The following EXOC6B variants were observed in gnomAD, a reference collection of about 807,000 sequenced individuals.
EXOC6B encodes exocyst complex component 6B.
In EXOC6B, 54 loss-of-function variants were observed where a neutral mutation model predicts 113.5. The ratio of observed to expected loss-of-function variants is 0.48; its 90% CI spans 0.38 to 0.60. The LOEUF (loss-of-function observed/expected upper bound fraction) is 0.60, where lower values mean the gene tolerates loss of function less well. Ranked by LOEUF, EXOC6B falls within the 20% of genes least tolerant of loss-of-function variation. EXOC6B has a pLI of 0.00. For synonymous variants in EXOC6B, 357 were observed against 339.0 expected, an observed-to-expected ratio of 1.05 and a Z score of -0.58; for missense variants, 797 against 977.5, an observed-to-expected ratio of 0.82 and a Z score of 2.46.
At chr2:72,783,976 G>A (rs1573791373) in intron 1 of EXOC6B, among the ~76,000 whole-genome samples, 1 of 152,090 alleles carries the variant, frequency 6.6e-6, no homozygotes, top group East Asian at 1.9e-4. Flanking sequence ...TATAGTTTCA[G>A]GTCTTATGTT....
At chr2:72,294,535 CT>C (rs1347515667) in intron 20 of EXOC6B, among the ~76,000 whole-genome samples, 1 of 152,094 alleles carries the variant, frequency 6.6e-6, no homozygotes, top group African/African-American at 2.4e-5. Flanking sequence ...TTCAGAGTCA[CT>C]TTTTGATATT....
intron 20 of EXOC6B, among the ~76,000 whole-genome samples, chr2:72,221,042 C>G (rs992713309): frequency 6.6e-6 from 1 of 152,212 alleles, no homozygotes; most frequent in Non-Finnish European, 1.5e-5. Context: ...ACCATAGTCA[C>G]TCTACTGATC....
chr2:72,417,807 AT>A (rs1189677924), intron 18 of EXOC6B, among the ~76,000 whole-genome samples: 1 of 152,014 alleles, frequency 6.6e-6, no homozygotes, highest in Non-Finnish European at 1.5e-5. Flanking sequence ...ATTTTATGTA[AT>A]GTTTATATCG....
intron 6 of EXOC6B, among the ~76,000 whole-genome samples, chr2:72,676,630 G>A (rs1312814320): frequency 6.6e-6 from 1 of 152,108 alleles, no homozygotes; most frequent in Non-Finnish European, 1.5e-5. Context: ...CACAGAATCA[G>A]AAATTAACAG....
At chr2:72,278,227 G>C (rs1335412770) in intron 20 of EXOC6B, among the ~76,000 whole-genome samples, 1 of 152,136 alleles carries the variant, frequency 6.6e-6, no homozygotes, top group Non-Finnish European at 1.5e-5. Flanking sequence ...AGTCATCACA[G>C]GGATCATATG....
intron 18 of EXOC6B, among the ~76,000 whole-genome samples, chr2:72,383,461 G>T (rs767580523): frequency 3.3e-5 from 5 of 151,454 alleles, no homozygotes; most frequent in African/African-American, 1.2e-4. Context: ...ATCTCAAACC[G>T]GTCAGAATGG....
At chr2:72,380,750 A>G (rs1691631769) in intron 18 of EXOC6B, among the ~76,000 whole-genome samples, 1 of 152,206 alleles carries the variant, frequency 6.6e-6, no homozygotes, top group Non-Finnish European at 1.5e-5. Flanking sequence ...GAGATTTATG[A>G]ATATAAACTC....
chr2:72,725,759 A>T (rs991871362), intron 5 of EXOC6B, among the ~76,000 whole-genome samples: 4 of 152,196 alleles, frequency 2.6e-5, no homozygotes, highest in Non-Finnish European at 2.9e-5. Flanking sequence ...GCTGTTGGGA[A>T]GATAAAAAGG....
At chr2:72,370,915 G>A (rs1690966150) in intron 19 of EXOC6B, among the ~76,000 whole-genome samples, 1 of 151,850 alleles carries the variant, frequency 6.6e-6, no homozygotes, top group Admixed American at 6.6e-5. Flanking sequence ...AAGTTAATGG[G>A]TGCAGCACAC....
intron 12 of EXOC6B, 114 bp from the exon 13 acceptor site, chr2:72,498,665 G>A: frequency 1.7e-6 from 1 of 582,372 alleles, no homozygotes; most frequent in Non-Finnish European, 2.9e-6. Context: ...TACATTCTTT[G>A]AACAGCAAAT....
chr2:72,484,287 G>A (rs534388154), intron 16 of EXOC6B, among the ~76,000 whole-genome samples: 94 of 151,778 alleles, frequency 6.2e-4, no homozygotes, highest in African/African-American at 2.1e-3. Context: ...AGCTGGGCGC[G>A]GTGGCTCACG....
At chr2:72,758,741 C>T (rs2104889017) in intron 1 of EXOC6B, among the ~76,000 whole-genome samples, 1 of 152,348 alleles carries the variant, frequency 6.6e-6, no homozygotes, top group African/African-American at 2.4e-5. Flanking sequence ...GCTGGAACAT[C>T]TCTAGTAAAA....
intron 16 of EXOC6B, among the ~76,000 whole-genome samples, chr2:72,488,528 T>G (rs1699553484): frequency 6.6e-6 from 1 of 152,110 alleles, no homozygotes; most frequent in Non-Finnish European, 1.5e-5. Flanking sequence ...AAAATCAAAT[T>G]CCCAATGTTC....
At chr2:72,775,359 C>G (rs1349819168) in intron 1 of EXOC6B, among the ~76,000 whole-genome samples, 1 of 152,154 alleles carries the variant, frequency 6.6e-6, no homozygotes, top group Non-Finnish European at 1.5e-5. Flanking sequence ...AGCATAAACT[C>G]AGGTATGGTT....
chr2:72,430,373 T>G (rs965902451), intron 18 of EXOC6B, among the ~76,000 whole-genome samples: 1 of 152,232 alleles, frequency 6.6e-6, no homozygotes, highest in Non-Finnish European at 1.5e-5. Context: ...TGGTGGCTCA[T>G]GCCTGTAATC....
At chr2:72,283,962 A>C (rs1299655261) in intron 20 of EXOC6B, among the ~76,000 whole-genome samples, 2 of 152,128 alleles carry the variant, frequency 1.3e-5, no homozygotes, top group African/African-American at 4.8e-5. Flanking sequence ...AAAGCATATA[A>C]ATATTATAGA....
Position 72,515,120 on chromosome 2 carries a change from G to C in EXOC6B, c.922C>G (p.Arg308Gly). The C allele has an allele frequency of 6.3e-7, 1 of 1,599,762 alleles. No homozygotes were observed. The highest frequency in any genetic ancestry group is 1.1e-5 in the South Asian group (1 of 88,126). Reference protein sequence around the residue: ...CLHIYSVLGARETFENYYRKQ... With the variant: ...CLHIYSVLGAGETFENYYRKQ... ...CGGTAGTAATTCTCAAATGTTTCCC[G>C]GGCACCCTGTAAATAAAGAAAAGAA... The change falls in exon 9 of 22, where the codon CGG becomes GGG. Residue 308 changes from arginine (R) to glycine (G), a missense_variant. Coordinates refer to ENST00000272427, the MANE Select transcript of EXOC6B (RefSeq NM_015189.3).
At chr2:72,410,049 C>G (rs1373344447) in intron 18 of EXOC6B, among the ~76,000 whole-genome samples, 1 of 152,138 alleles carries the variant, frequency 6.6e-6, no homozygotes, top group African/African-American at 2.4e-5. Context: ...TTCTAAGTTG[C>G]CTTTATCTTG....
chr2:72,465,948 A>G (rs1698023277), intron 17 of EXOC6B, among the ~76,000 whole-genome samples: 1 of 152,208 alleles, frequency 6.6e-6, no homozygotes, highest in South Asian at 2.1e-4. Context: ...GAAATCCAAT[A>G]GCTTCCAGTA....
Sources: gnomAD v4.1 joint callset for allele counts (sites outside exome capture counted in the v4.1 genomes callset) on GRCh38, gnomAD v4.1.1 for gene constraint, MANE v1.5 for transcripts, NCBI Gene and HGNC (gene_info 2026-07-23, HGNC 2026-07-21) for gene names.